Variants in MPP7 observed in about 807,000 individuals in gnomAD.
MPP7 encodes the protein MAGUK p55 subfamily member 7.
A neutral mutation model predicts 76.5 loss-of-function variants in MPP7; 60 were observed. That is an observed-to-expected ratio of 0.78 (90% CI 0.64 to 0.97). The LOEUF is 0.97. Ranked by LOEUF, MPP7 falls within the 50% of genes least tolerant of loss-of-function variation. MPP7 has a pLI of 0.00. For synonymous variants in MPP7, 237 were observed against 244.5 expected (o/e 0.97, Z 0.29); for missense variants, 641 against 694.0 (o/e 0.92, Z 0.86).
At chr10:28,215,949 T>C (rs954022022) in intron 2 of MPP7, among the ~76,000 whole-genome samples, 4 of 152,116 alleles carry the variant, frequency 2.6e-5, no homozygotes, top group Admixed American at 1.3e-4. Context: ...TCCTGCTGGA[T>C]GCATTAAGGG....
chr10:28,318,068 G>C (rs969998635), intron 2 of MPP7, among the ~76,000 whole-genome samples: 1 of 152,106 alleles, frequency 6.6e-6, no homozygotes, highest in African/African-American at 2.4e-5. Context: ...TAGAGCCTTG[G>C]CAACCTCAAA....
chr10:28,233,535 C>T (rs1175739120), intron 2 of MPP7, among the ~76,000 whole-genome samples: 2 of 150,090 alleles, frequency 1.3e-5, no homozygotes, highest in Admixed American at 6.7e-5. Context: ...AATGAAACCC[C>T]GTCTCTATTA....
At chr10:28,297,173 G>A (rs956094431) in intron 1 of MPP7, among the ~76,000 whole-genome samples, 8 of 152,218 alleles carry the variant, frequency 5.3e-5, no homozygotes, top group African/African-American at 1.9e-4. Context: ...TGCTTTCCAA[G>A]TGCATATAGA....
chr10:28,081,103 T>G (rs187854707), intron 12 of MPP7, among the ~76,000 whole-genome samples: 1 of 152,212 alleles, frequency 6.6e-6, no homozygotes, highest in African/African-American at 2.4e-5. Flanking sequence ...GAGAGCAGAA[T>G]AGTACTGATG....
chr10:28,161,459 T>C (rs1836261000), intron 3 of MPP7, among the ~76,000 whole-genome samples: 1 of 152,062 alleles, frequency 6.6e-6, no homozygotes, highest in African/African-American at 2.4e-5. Flanking sequence ...CTATGAATTC[T>C]TTTTTCAATA....
intron 1 of MPP7, among the ~76,000 whole-genome samples, chr10:28,290,009 G>T (rs1400435732): frequency 1.3e-5 from 2 of 152,114 alleles, no homozygotes; most frequent in Non-Finnish European, 2.9e-5. Flanking sequence ...TGTAGAGATG[G>T]GGTTTCACTA....
chr10:28,058,547 A>C lies in MPP7; in HGVS notation c.1355T>G (p.Val452Gly). The C allele has an allele frequency of 6.2e-7, 1 of 1,607,280 alleles. No homozygotes were observed. Among genetic ancestry groups the C allele is most frequent in the Non-Finnish European group, 8.5e-7 (1 of 1,176,592 alleles). ...TTTGTTTTTAGCAAGGACAGACCGA[A>C]CTGAGTCTATACTTGTGCCGTAGTA... ...NNYYGTSIDS[V>G]RSVLAKNKVC... The change falls in exon 15 of 17, where the codon GTT (valine) becomes GGT (glycine). Residue 452 changes from valine (V) to glycine (G), a missense_variant. By Grantham distance (109) the Val-to-Gly change is moderately radical (BLOSUM62 -3). Coordinates refer to ENST00000683449, the MANE Select transcript of MPP7 (RefSeq NM_001318170.2).
In MPP7 at chr10:28,125,096, T is replaced by C. The variant is rs751739784; in HGVS notation, c.448-5A>G. On this transcript the variant is annotated splice_polypyrimidine_tract_variant and splice_region_variant and intron_variant, in intron 6 of 16. Coordinates refer to ENST00000683449, the MANE Select transcript of MPP7 (RefSeq NM_001318170.2). ...ATCCTTCTTAATGGTAGCTCCCTTT[T>C]AAGACAAAAACAAAAAGCATTTGTG... 6.2e-7 allele frequency: 1 copy of C among 1,613,582 alleles called. No homozygotes were observed. Among genetic ancestry groups the C allele is most frequent in the South Asian group, 1.1e-5 (1 of 91,078 alleles).
At chr10:28,101,980 T>C (rs940058089) in intron 11 of MPP7, among the ~76,000 whole-genome samples, 3 of 152,144 alleles carry the variant, frequency 2.0e-5, no homozygotes, top group African/African-American at 7.2e-5. Context: ...TTCCTAATAA[T>C]TCATATATAT....
chr10:28,101,609 G>C (rs1853827368), intron 11 of MPP7, among the ~76,000 whole-genome samples: 1 of 152,022 alleles, frequency 6.6e-6, no homozygotes, highest in South Asian at 2.1e-4. Flanking sequence ...TCCAGAGCAA[G>C]GGAAAAGTAG....
At chr10:28,157,132 C>T (rs1205851468) in intron 3 of MPP7, among the ~76,000 whole-genome samples, 3 of 152,108 alleles carry the variant, frequency 2.0e-5, no homozygotes, top group African/African-American at 4.8e-5. Flanking sequence ...ATCGCTTGAA[C>T]CCGAGAGGCA....
In MPP7 at chr10:28,241,275, A is replaced by G. The variant is rs930291687; in HGVS notation, c.-131-2540T>C. On this transcript the variant is annotated intron_variant, in intron 1 of 16. Transcript: ENST00000683449. ...TCTATGCCATATACAAAAAGCCCTC[A>G]TATTTCTTGTTTTTTATTTCATAAT... is the stretch of plus-strand genomic sequence containing the variant. Among the ~76,000 whole-genome samples the G allele has an allele frequency of 5.3e-5, 8 of 152,162 alleles. No homozygotes were observed. The South Asian group carries it at 1.7e-3, about 31-fold the overall frequency.
intron 11 of MPP7, among the ~76,000 whole-genome samples, chr10:28,112,896 T>C (rs940633184): frequency 3.3e-5 from 5 of 152,196 alleles, no homozygotes; most frequent in Non-Finnish European, 7.3e-5. Flanking sequence ...TTGGCATCCA[T>C]TGTGAATGCA....
upstream of MPP7, chr10:28,305,881 A>G (rs1416769004): frequency 3.3e-5 from 5 of 152,244 alleles, no homozygotes; most frequent in Non-Finnish European, 1.5e-5. Context: ...GTTTCATATT[A>G]TCATCTCCTT....
At chr10:28,318,344 C>A (rs1834339905) in intron 2 of MPP7, among the ~76,000 whole-genome samples, 1 of 152,190 alleles carries the variant, frequency 6.6e-6, no homozygotes, top group African/African-American at 2.4e-5. Context: ...CTTGGTTCTT[C>A]TTCCTTCTCT....
chr10:28,107,625 G>A (rs1834366965), intron 11 of MPP7, among the ~76,000 whole-genome samples: 1 of 152,120 alleles, frequency 6.6e-6, no homozygotes, highest in Non-Finnish European at 1.5e-5. Context: ...ACATCCTGGA[G>A]ACTGTTTTCT....
chr10:28,267,053 T>C (rs538838844), intron 1 of MPP7, among the ~76,000 whole-genome samples: 10 of 152,224 alleles, frequency 6.6e-5, no homozygotes, highest in Non-Finnish European at 2.9e-5. Context: ...CCATATGCGT[T>C]AGTTCGGGGG....
At chr10:28,200,536 A>C (rs945138421) in intron 3 of MPP7, among the ~76,000 whole-genome samples, 1 of 152,058 alleles carries the variant, frequency 6.6e-6, no homozygotes, top group African/African-American at 2.4e-5. Context: ...TCAGCTTAAA[A>C]CTCAAGCCAG....
intron 1 of MPP7, among the ~76,000 whole-genome samples, chr10:28,242,679 G>T (rs1357304014): frequency 6.6e-6 from 1 of 152,164 alleles, no homozygotes. Flanking sequence ...TTTGTCTTTT[G>T]CACTGTACCA....
Sources: allele counts gnomAD v4.1 joint callset (sites outside exome capture counted in the v4.1 genomes callset), GRCh38; gene constraint gnomAD v4.1.1; transcripts MANE v1.5; gene names NCBI Gene and HGNC (gene_info 2026-07-23, HGNC 2026-07-21).